VPS8: variants seen among roughly 807,000 people sequenced by gnomAD.
VPS8 encodes VPS8 subunit of CORVET complex, also known as vacuolar protein sorting-associated protein 8 homolog.
VPS8 carries 129 observed loss-of-function variants against 216.4 expected under a neutral mutation model. That is an observed-to-expected ratio of 0.60 (90% CI 0.52 to 0.69). The LOEUF (loss-of-function observed/expected upper bound fraction) is 0.69, where lower values mean the gene tolerates loss of function less well. Ranked by LOEUF, VPS8 falls within the 30% of genes least tolerant of loss-of-function variation. The pLI is 0.00. For synonymous variants in VPS8, 571 were observed against 565.4 expected, an observed-to-expected ratio of 1.01 and a Z score of -0.14; for missense variants, 1,531 against 1,683.5, an observed-to-expected ratio of 0.91 and a Z score of 1.59.
At chr3:184,916,655 C>T (rs1177779704) in intron 28 of VPS8, among the ~76,000 whole-genome samples, 3 of 151,812 alleles carry the variant, frequency 2.0e-5, no homozygotes, top group Non-Finnish European at 4.4e-5. Flanking sequence ...GAGGGAGAAA[C>T]TTAGAAGTCA....
intron 40 of VPS8, 160 bp from the exon 41 acceptor site, chr3:184,982,406 C>A: frequency 1.7e-6 from 1 of 571,852 alleles, no homozygotes; most frequent in Non-Finnish European, 3.0e-6. Flanking sequence ...TTTTTTGCCC[C>A]AAATATTTCC....
intron 35 of VPS8, among the ~76,000 whole-genome samples, chr3:184,939,637 TGGCAAAAACAGAA>T (rs1742298173): frequency 6.6e-6 from 1 of 150,960 alleles, no homozygotes; most frequent in African/African-American, 2.4e-5. Context: ...AGTGAGTAAA[TGGCAAAAACAGAA>T]CCCAGATTTT....
rs1726618388 is a variant in VPS8 at position 184,862,819 on chromosome 3, C to T, written c.1225-78C>T. 6 of 1,434,346 alleles carry T rather than the reference C, an allele frequency of 4.2e-6. No homozygotes were observed. The African/African-American group carries it at 7.1e-5, about 17-fold the overall frequency. 88.9% of individuals were successfully genotyped at this position (1,434,346 alleles called of 1,614,324 possible). A position where few individuals can be genotyped will look rare whatever the true frequency, so the allele number is the denominator to read the frequency against. ...AAGTCCTCAATGTAATTTAATCGAG[C>T]AGCCAAGCTTTCTTCTTGACCCAAA... is the stretch of plus-strand genomic sequence containing the variant. On this transcript the variant is annotated intron_variant, in intron 15 of 47. Transcript: ENST00000625842.
intron 45 of VPS8, among the ~76,000 whole-genome samples, chr3:185,005,531 T>G (rs770632139): frequency 7.2e-5 from 11 of 152,236 alleles, no homozygotes; most frequent in Admixed American, 3.9e-4. Context: ...CATTTGTTTG[T>G]GTCATCTGTG....
chr3:184,917,114 A>G (rs1478828378), intron 28 of VPS8, among the ~76,000 whole-genome samples: 1 of 152,178 alleles, frequency 6.6e-6, no homozygotes, highest in Non-Finnish European at 1.5e-5. Context: ...AGGGGCACCT[A>G]CTGGAACGTT....
At chr3:184,939,512 A>G (rs1742262858) in intron 35 of VPS8, among the ~76,000 whole-genome samples, 1 of 151,490 alleles carries the variant, frequency 6.6e-6, no homozygotes, top group Non-Finnish European at 1.5e-5. Context: ...TTTAACCCTC[A>G]CTACTACCCA....
At chr3:184,847,385 TAGA>T (rs1723336431) in intron 8 of VPS8, among the ~76,000 whole-genome samples, 1 of 152,234 alleles carries the variant, frequency 6.6e-6, no homozygotes, top group African/African-American at 2.4e-5. Flanking sequence ...TTTACTTTTA[TAGA>T]AGGAGAACTG....
rs576084130 is a variant in VPS8 at position 184,943,962 on chromosome 3, C to T, written c.3035+3719C>T. 2.0e-4 allele frequency among the ~76,000 whole-genome samples: 30 copies of T among 152,166 alleles called. No individual in the cohort carries two copies. The East Asian group carries it at 5.8e-3, about 29-fold the overall frequency. On this transcript the variant is annotated intron_variant, in intron 36 of 47. Coordinates refer to ENST00000625842, the MANE Select transcript of VPS8 (RefSeq NM_001009921.3). ...ACTAAAAATACAAAAATTAGCCGGG[C>T]GTGGTCACGCACACCTGTAATCTCA...
chr3:184,835,709 C>CTTTTTT (rs34896906), intron 5 of VPS8, among the ~76,000 whole-genome samples: 1 of 126,764 alleles, frequency 7.9e-6, no homozygotes, highest in Non-Finnish European at 1.6e-5. Flanking sequence ...TTGGATTTTT[C>CTTTTTT]TTTTTTTTTT....
chr3:184,824,995 T>G (rs1246074192), intron 2 of VPS8: 2 of 544,174 alleles, frequency 3.7e-6, no homozygotes, highest in African/African-American at 1.9e-5. Context: ...AGCTTCAACC[T>G]CCTGGGCTCA....
intron 34 of VPS8, among the ~76,000 whole-genome samples, chr3:184,933,891 C>T (rs1299171301): frequency 6.6e-6 from 1 of 152,106 alleles, no homozygotes; most frequent in African/African-American, 2.4e-5. Flanking sequence ...TATAATGAGT[C>T]TTGATATCTT....
intron 10 of VPS8, among the ~76,000 whole-genome samples, chr3:184,852,191 AG>A (rs1288627220): frequency 6.6e-6 from 1 of 152,170 alleles, no homozygotes; most frequent in African/African-American, 2.4e-5. Context: ...AGTTACAAAA[AG>A]TTATTGTAAG....
chr3:184,841,828 AG>A (rs1459720523), intron 7 of VPS8, among the ~76,000 whole-genome samples: 6 of 152,180 alleles, frequency 3.9e-5, no homozygotes, highest in African/African-American at 1.4e-4. Context: ...CACAGAGCCA[AG>A]TTCAGCCAAG....
chr3:184,958,180 A>G (rs112988995), intron 37 of VPS8, among the ~76,000 whole-genome samples: 219 of 152,284 alleles, frequency 1.4e-3, no homozygotes, highest in Middle Eastern at 0.01. Context: ...ATAGATTGGC[A>G]GAGGGGAGAA....
chr3:184,935,541 A>G (rs1741455365), intron 34 of VPS8, among the ~76,000 whole-genome samples: 1 of 152,122 alleles, frequency 6.6e-6, no homozygotes, highest in Non-Finnish European at 1.5e-5. Flanking sequence ...TTAGCCGTGT[A>G]TTGTGGTTGT....
chr3:184,880,980 A>G (rs1354506647), intron 21 of VPS8, among the ~76,000 whole-genome samples: 2 of 152,034 alleles, frequency 1.3e-5, no homozygotes, highest in Non-Finnish European at 2.9e-5. Flanking sequence ...ATGTTTCTGC[A>G]TGGGTTTTGC....
Position 184,825,006 on chromosome 3 carries a change from A to G in VPS8, c.153+221A>G, listed in dbSNP as rs1718435393. On this transcript the variant is annotated intron_variant, in intron 2 of 47. Transcript: ENST00000625842. ...CTGAAGCTTCAACCTCCTGGGCTCA[A>G]GTGATCCTCCTACCTCAGCCTCCCA... 9.9e-6 allele frequency: 5 copies of G among 504,406 alleles called. No individual in the cohort carries two copies. In the South Asian group the frequency reaches 1.0e-4, roughly 10 times the overall value. The allele number at this position is 504,406 out of a possible 1,614,324, so 31.2% of individuals were successfully genotyped here.
chr3:184,949,640 GA>G (rs1453032826), intron 36 of VPS8, among the ~76,000 whole-genome samples: 1 of 152,030 alleles, frequency 6.6e-6, no homozygotes, highest in Non-Finnish European at 1.5e-5. Flanking sequence ...AGTTTGTAGA[GA>G]CCATTGTGTT....
chr3:184,832,127 A>T (rs1160939633), intron 3 of VPS8, among the ~76,000 whole-genome samples: 1 of 152,168 alleles, frequency 6.6e-6, no homozygotes, highest in Non-Finnish European at 1.5e-5. Flanking sequence ...GTACCAGCTT[A>T]TCTTTCTAGG....
Sources: allele counts gnomAD v4.1 joint callset (sites outside exome capture counted in the v4.1 genomes callset), GRCh38; gene constraint gnomAD v4.1.1; transcripts MANE v1.5; gene names NCBI Gene and HGNC (gene_info 2026-07-23, HGNC 2026-07-21).